The following SAMD12 variants were observed in gnomAD, a reference collection of about 807,000 sequenced individuals.
SAMD12 encodes the protein sterile alpha motif domain containing 12.
A neutral mutation model predicts 15.0 loss-of-function variants in SAMD12; 9 were observed. The ratio of observed to expected loss-of-function variants is 0.60; its 90% CI spans 0.36 to 1.05. The LOEUF is 1.05. SAMD12 is among the 50% of genes least tolerant of loss of function. The pLI, the probability that SAMD12 is intolerant of heterozygous loss-of-function variation, is 0.01. For synonymous variants in SAMD12, 86 were observed against 90.1 expected (o/e 0.96, Z 0.25); for missense variants, 230 against 234.2 (o/e 0.98, Z 0.12).
chr8:118,607,989 T>C (rs183481800), intron 1 of SAMD12, among the ~76,000 whole-genome samples: 41 of 152,270 alleles, frequency 2.7e-4, no homozygotes, highest in African/African-American at 9.4e-4. Flanking sequence ...AGTTAACATG[T>C]TTCTAGGCTA....
At chr8:118,256,779 T>C (rs373560909) in intron 4 of SAMD12, among the ~76,000 whole-genome samples, 7 of 139,882 alleles carry the variant, frequency 5.0e-5, no homozygotes, top group East Asian at 2.1e-4. Flanking sequence ...CTGCATAAGA[T>C]ACACACACAC....
At chr8:118,256,779 T>TACAC (rs3052764) in intron 4 of SAMD12, among the ~76,000 whole-genome samples, 13,974 of 139,742 alleles carry the variant, frequency 0.1, 749 homozygotes, top group South Asian at 0.13. Context: ...CTGCATAAGA[T>TACAC]ACACACACAC....
intron 4 of SAMD12, among the ~76,000 whole-genome samples, chr8:118,307,760 C>T (rs1010009890): frequency 1.3e-5 from 2 of 151,898 alleles, no homozygotes; most frequent in African/African-American, 2.4e-5. Flanking sequence ...TGGCTCTATA[C>T]ACTTGTTCAT....
the SAMD12 span, among the ~76,000 whole-genome samples, chr8:118,148,992 A>G: frequency 1.3e-5 from 2 of 152,208 alleles, no homozygotes; most frequent in African/African-American, 4.8e-5. Context: ...TGCTATAAAC[A>G]TTGCATGCAA....
At chr8:118,226,300 G>C (rs925288130) in intron 4 of SAMD12, among the ~76,000 whole-genome samples, 1 of 152,096 alleles carries the variant, frequency 6.6e-6, no homozygotes, top group African/African-American at 2.4e-5. Flanking sequence ...ACTATTGCCT[G>C]GGACAAGATA....
intron 4 of SAMD12, among the ~76,000 whole-genome samples, chr8:118,329,318 T>A (rs530307704): frequency 2.0e-5 from 3 of 152,298 alleles, no homozygotes; most frequent in Admixed American, 2.0e-4. Flanking sequence ...CTTTTAGGTT[T>A]TTTGTATTAT....
intron 2 of SAMD12, among the ~76,000 whole-genome samples, chr8:118,562,743 G>A (rs1433778360): frequency 6.6e-5 from 10 of 152,206 alleles, no homozygotes; most frequent in Admixed American, 4.6e-4. Flanking sequence ...ATTTATTTAG[G>A]ATTAAAAGGA....
At chr8:118,607,246 T>C (rs1828006898) in intron 1 of SAMD12, among the ~76,000 whole-genome samples, 1 of 152,022 alleles carries the variant, frequency 6.6e-6, no homozygotes, top group Non-Finnish European at 1.5e-5. Context: ...GTCCTTTTTT[T>C]TTTCTTGAGA....
chr8:118,320,102 C>T (rs1043093506), intron 4 of SAMD12, among the ~76,000 whole-genome samples: 1 of 152,008 alleles, frequency 6.6e-6, no homozygotes, highest in Non-Finnish European at 1.5e-5. Context: ...GCAAGAGAGC[C>T]CCTTGAAGAA....
rs576702965 is a variant in SAMD12, at chr8:118,529,081, A to G, written c.192+51634T>C. On this transcript the variant is annotated intron_variant, in intron 2 of 3. Coordinates refer to ENST00000314727, the MANE Select transcript of SAMD12 (RefSeq NM_207506.3). ...TTTCTCCATGAAGTTGTGGCCACAG[A>G]CAACCACTACACAGTTCAGCAACTA... is the stretch of plus-strand genomic sequence containing the variant. Among the ~76,000 whole-genome samples, 20 of 152,332 alleles carry G rather than the reference A, an allele frequency of 1.3e-4. No homozygotes were observed. In the South Asian group the frequency reaches 4.1e-3, roughly 32 times the overall value.
the SAMD12 span, among the ~76,000 whole-genome samples, chr8:118,170,196 T>C: frequency 2.0e-5 from 3 of 152,170 alleles, no homozygotes; most frequent in African/African-American, 7.2e-5. Context: ...GGGAAACGAT[T>C]GTACACTAAA....
chr8:118,192,665 C>CAATTTATGAAAATTGAAAAG (rs1215926337), exon 5 of SAMD12: 1 of 152,014 alleles, frequency 6.6e-6, no homozygotes, highest in Non-Finnish European at 1.5e-5. Flanking sequence ...CCATTGGCTC[C>CAATTTATGAAAATTGAAAAG]AATTTATGAA....
intron 4 of SAMD12, among the ~76,000 whole-genome samples, chr8:118,244,171 T>C (rs1812635254): frequency 6.6e-6 from 1 of 152,168 alleles, no homozygotes; most frequent in Non-Finnish European, 1.5e-5. Flanking sequence ...GAGTACATAC[T>C]GCGCATATAT....
rs572504615 is a variant in SAMD12 at position 118,448,579 on chromosome 8, C to T, written c.193-8618G>A. Among the ~76,000 whole-genome samples the T allele has an allele frequency of 3.7e-4, 56 of 152,340 alleles. 1 individual carries two copies. In the South Asian group the frequency reaches 9.1e-3, roughly 25 times the overall value. On this transcript the variant is annotated intron_variant, in intron 2 of 3. Transcript: ENST00000314727. ...AGAAAACTGGTTCAGGTCCCAGCTG[C>T]GCTCTTGACATTCCCAGGTTGGGAC...
intron 2 of SAMD12, among the ~76,000 whole-genome samples, chr8:118,573,472 A>G (rs1345866660): frequency 6.6e-6 from 1 of 152,164 alleles, no homozygotes; most frequent in Non-Finnish European, 1.5e-5. Context: ...GTCAAATGGT[A>G]TTTGTTTTTT....
chr8:118,170,258 T>A, the SAMD12 span, among the ~76,000 whole-genome samples: 2 of 152,156 alleles, frequency 1.3e-5, no homozygotes, highest in African/African-American at 4.8e-5. Flanking sequence ...TTGGCAAAGT[T>A]CCAGGCCCAA....
chr8:118,320,119 C>T (rs546973424), intron 4 of SAMD12, among the ~76,000 whole-genome samples: 1 of 152,056 alleles, frequency 6.6e-6, no homozygotes, highest in South Asian at 2.1e-4. Context: ...AGAAATAAAG[C>T]GATCAACTGT....
intron 2 of SAMD12, among the ~76,000 whole-genome samples, chr8:118,489,929 G>GA (rs1824394224): frequency 6.6e-6 from 1 of 152,088 alleles, no homozygotes. Context: ...TATAAAAAAG[G>GA]AAAGGAAGCA....
In SAMD12 at chr8:118,378,468, C is replaced by T; in HGVS notation, c.*949G>A. On this transcript the variant is annotated 3_prime_UTR_variant, in exon 4 of 4. Transcript: ENST00000314727. The stretch of plus-strand genomic sequence containing the variant: ...AATAATGCATATGAGACAAACAATA[C>T]TATTTTACGATCACTTGAAATCTAT... The T allele has an allele frequency of 3.0e-6, 3 of 984,198 alleles. No individual in the cohort carries two copies. Among genetic ancestry groups the T allele is most frequent in the African/African-American group, 1.7e-5 (1 of 57,312 alleles). 61.0% of individuals were successfully genotyped at this position (984,198 alleles called of 1,614,324 possible).
Sources: allele counts gnomAD v4.1 joint callset (sites outside exome capture counted in the v4.1 genomes callset), GRCh38; gene constraint gnomAD v4.1.1; transcripts MANE v1.5; gene names NCBI Gene and HGNC (gene_info 2026-07-23, HGNC 2026-07-21).